The following BEND5 variants were observed in gnomAD, a reference collection of about 807,000 sequenced individuals.
BEND5 encodes BEN domain-containing protein 5.
A neutral mutation model predicts 43.9 loss-of-function variants in BEND5; 22 were observed. That is an observed-to-expected ratio of 0.50 (90% CI 0.36 to 0.72). The LOEUF (loss-of-function observed/expected upper bound fraction) is 0.72, where lower values mean the gene tolerates loss of function less well. BEND5 is among the 30% of genes least tolerant of loss of function. BEND5 has a pLI of 0.00. For synonymous variants in BEND5, 228 were observed against 225.9 expected, an observed-to-expected ratio of 1.01 and a Z score of -0.08; for missense variants, 428 against 550.6, an observed-to-expected ratio of 0.78 and a Z score of 2.23.
At chr1:48,772,065 A>G (rs1449024370) in intron 1 of BEND5, among the ~76,000 whole-genome samples, 1 of 152,212 alleles carries the variant, frequency 6.6e-6, no homozygotes, top group Non-Finnish European at 1.5e-5. Flanking sequence ...CCCAAAGTTG[A>G]TGAGTTCAAC....
At chr1:48,775,643 G>A (rs1256606140) in intron 1 of BEND5, among the ~76,000 whole-genome samples, 5 of 152,154 alleles carry the variant, frequency 3.3e-5, no homozygotes, top group Non-Finnish European at 7.3e-5. Context: ...GAACTAGCTG[G>A]GAAAGAGGGC....
chr1:48,761,237 G>T, intron 2 of BEND5, 100 bp downstream of exon 2: 4 of 1,233,564 alleles, frequency 3.2e-6, no homozygotes, highest in Non-Finnish European at 4.4e-6. Flanking sequence ...GATACCAGGG[G>T]ACATTTACAT....
intron 3 of BEND5, among the ~76,000 whole-genome samples, 185 bp from the exon 4 acceptor site, chr1:48,742,956 G>C (rs1427483821): frequency 1.3e-5 from 2 of 152,164 alleles, no homozygotes; most frequent in East Asian, 3.9e-4. Context: ...GGGAAAAGGT[G>C]GAAAACTGGA....
rs1019507900 is a variant in BEND5 at position 48,776,858 on chromosome 1, C to T, written c.-27G>A. 1 of 1,379,388 alleles carries T rather than the reference C, an allele frequency of 7.2e-7. No homozygotes were observed. The highest frequency in any genetic ancestry group is 2.8e-5 in the Admixed American group (1 of 35,170). The allele number at this position is 1,379,388 out of a possible 1,614,324, so 85.4% of individuals were successfully genotyped here. A position where few individuals can be genotyped will look rare whatever the true frequency, so the allele number is the denominator to read the frequency against. On this transcript the variant is annotated 5_prime_UTR_variant, in exon 1 of 6. Coordinates refer to ENST00000371833, the MANE Select transcript of BEND5 (RefSeq NM_024603.4). Reference sequence around the variant, plus strand: ...GTGGGCGCCGGGGGCGGGCCCCGGTCGGGCAGCTCAGCCCGCGGGGCGGGC... The same window carrying T: ...GTGGGCGCCGGGGGCGGGCCCCGGTTGGGCAGCTCAGCCCGCGGGGCGGGC...
chr1:48,760,551 T>C (rs552775042), intron 2 of BEND5, among the ~76,000 whole-genome samples: 19 of 152,350 alleles, frequency 1.2e-4, no homozygotes, highest in Admixed American at 9.8e-4. Flanking sequence ...TGCGTCACTA[T>C]AATGTGAGAC....
At chr1:48,751,781 T>C (rs1207811145) in intron 3 of BEND5, among the ~76,000 whole-genome samples, 1 of 152,144 alleles carries the variant, frequency 6.6e-6, no homozygotes, top group East Asian at 1.9e-4. Flanking sequence ...AGGCAGTTGT[T>C]AGAAAAGGGA....
At chr1:48,773,259 AT>A (rs1225501577) in intron 1 of BEND5, among the ~76,000 whole-genome samples, 3 of 152,094 alleles carry the variant, frequency 2.0e-5, no homozygotes, top group Non-Finnish European at 4.4e-5. Context: ...TAAAAAAAAA[AT>A]AAAATTCAAC....
At chr1:48,762,170 C>T (rs2000016) in intron 1 of BEND5, among the ~76,000 whole-genome samples, 1,768 of 152,230 alleles carry the variant, frequency 0.012, 34 homozygotes, top group African/African-American at 0.04. Context: ...GAGGAACAGC[C>T]GGGAGTGGGA....
At position 48,736,235 on chromosome 1, in the gene BEND5, C is replaced by A. The variant is rs1282420783; in HGVS notation, c.1108+4G>T. 4 of 1,613,330 alleles carry A rather than the reference C, an allele frequency of 2.5e-6. No individual in the cohort carries two copies. Among genetic ancestry groups the A allele is most frequent in the Non-Finnish European group, 3.4e-6 (4 of 1,179,268 alleles). On this transcript the variant is annotated splice_donor_region_variant and intron_variant, in intron 5 of 5. Transcript: ENST00000371833. This position sits in a 1 kb window ranked among gnomAD's most constrained non-coding sequence, Gnocchi z 4.0. ...AGCCATTGTGTTTCCACTCAGTGACCTACCTCTGACGATGCTTAGTTTGTG... is the reference window on the plus strand; with the variant it reads ...AGCCATTGTGTTTCCACTCAGTGACATACCTCTGACGATGCTTAGTTTGTG...
intron 1 of BEND5, among the ~76,000 whole-genome samples, chr1:48,767,291 G>A (rs1227033459): frequency 1.3e-5 from 2 of 152,216 alleles, no homozygotes; most frequent in Non-Finnish European, 2.9e-5. Flanking sequence ...GATAGTGCAT[G>A]TAAAAGCACC....
At position 48,766,827 on chromosome 1, in the gene BEND5, A is replaced by G. The variant is rs188494654; in HGVS notation, c.227-5357T>C. 2.2e-4 allele frequency among the ~76,000 whole-genome samples: 33 copies of G among 152,312 alleles called. No individual in the cohort carries two copies. In the East Asian group the frequency reaches 3.5e-3, roughly 16 times the overall value. On this transcript the variant is annotated intron_variant, in intron 1 of 5. Coordinates refer to ENST00000371833, the MANE Select transcript of BEND5 (RefSeq NM_024603.4). ...TCGGGAAGTCCCAAGTCCTCTGCTC[A>G]TTCTTTTCTGCAGGCAGTGAACATT...
At chr1:48,750,220 C>G (rs753858431) in intron 3 of BEND5, among the ~76,000 whole-genome samples, 37 of 152,180 alleles carry the variant, frequency 2.4e-4, no homozygotes, top group Non-Finnish European at 4.9e-4. Context: ...GGACTGCACC[C>G]CAGCCCACTC....
chr1:48,737,246 T>C (rs933680816), intron 4 of BEND5, among the ~76,000 whole-genome samples: 8 of 151,842 alleles, frequency 5.3e-5, no homozygotes, highest in Non-Finnish European at 1.2e-4. Flanking sequence ...ATCGTGCCAC[T>C]GCACTCCAGT....
At chr1:48,746,940 G>A (rs1041435504) in intron 3 of BEND5, among the ~76,000 whole-genome samples, 1 of 152,202 alleles carries the variant, frequency 6.6e-6, no homozygotes, top group South Asian at 2.1e-4. Context: ...AAAAGCATGT[G>A]TTTTCTTCAG....
Position 48,747,570 on chromosome 1 carries a change from T to G in BEND5, c.746-4799A>C, listed in dbSNP as rs528731614. Among the ~76,000 whole-genome samples the G allele has an allele frequency of 1.3e-4, 20 of 152,334 alleles. No individual in the cohort carries two copies. The South Asian group carries it at 3.1e-3, about 24-fold the overall frequency. ...ATACAAATAACTCTGATTTAACGGA[T>G]AAGCAATAGATTTAGTGTTAGAAAA... is the stretch of plus-strand genomic sequence containing the variant. On this transcript the variant is annotated intron_variant, in intron 3 of 5. Coordinates refer to ENST00000371833, the MANE Select transcript of BEND5 (RefSeq NM_024603.4).
chr1:48,749,294 TC>T (rs1651277520), intron 3 of BEND5, among the ~76,000 whole-genome samples: 2 of 152,128 alleles, frequency 1.3e-5, no homozygotes, highest in African/African-American at 4.8e-5. Context: ...GTTTAACAGC[TC>T]CCTGACTAGA....
chr1:48,767,156 G>T (rs916081886), intron 1 of BEND5, among the ~76,000 whole-genome samples: 1 of 152,154 alleles, frequency 6.6e-6, no homozygotes, highest in African/African-American at 2.4e-5. Context: ...TGAATCAGGT[G>T]GTCCTAATTT....
At chr1:48,749,837 A>G (rs1651385259) in intron 3 of BEND5, among the ~76,000 whole-genome samples, 1 of 152,186 alleles carries the variant, frequency 6.6e-6, no homozygotes, top group Admixed American at 6.5e-5. Context: ...TATGTGCAGA[A>G]CGCCCTGTCA....
chr1:48,776,372 C>T (rs1202577386), intron 1 of BEND5, among the ~76,000 whole-genome samples: 1 of 152,220 alleles, frequency 6.6e-6, no homozygotes. Flanking sequence ...GACGGACTGA[C>T]AGCGCGGGAG....
Sources: gnomAD v4.1 joint callset for allele counts (sites outside exome capture counted in the v4.1 genomes callset) on GRCh38, gnomAD v4.1.1 for gene constraint, Gnocchi (gnomAD v3.1) non-coding constraint, MANE v1.5 for transcripts, NCBI Gene and HGNC (gene_info 2026-07-23, HGNC 2026-07-21) for gene names.